Variants in SEMA5A observed in about 807,000 individuals in gnomAD.
SEMA5A encodes the protein semaphorin 5A, also known as semaphorin-5A.
In SEMA5A, 55 loss-of-function variants were observed where a neutral mutation model predicts 135.5. The ratio of observed to expected loss-of-function variants is 0.41; its 90% CI spans 0.33 to 0.51. The LOEUF (loss-of-function observed/expected upper bound fraction) is 0.51, where lower values mean the gene tolerates loss of function less well. Ranked by LOEUF, SEMA5A falls within the 20% of genes least tolerant of loss-of-function variation. The probability of loss-of-function intolerance (pLI) is 0.37; values close to 1 mark genes in which losing one functional copy is unlikely to be tolerated. For missense variants in SEMA5A, 1,290 were observed against 1,419.9 expected, an observed-to-expected ratio of 0.91 and a Z score of 1.47; for synonymous variants, 580 against 546.5, an observed-to-expected ratio of 1.06 and a Z score of -0.85.
chr5:9,190,147 G>C (rs1745018815), intron 11 of SEMA5A, 120 bp downstream of exon 11: 1 of 1,019,508 alleles, frequency 9.8e-7, no homozygotes, highest in Non-Finnish European at 1.4e-6. Flanking sequence ...GGTTTTGCTG[G>C]TTGCAAAAAG....
At chr5:9,152,604 A>T (rs901091076) in intron 12 of SEMA5A, among the ~76,000 whole-genome samples, 2 of 152,224 alleles carry the variant, frequency 1.3e-5, no homozygotes, top group African/African-American at 4.8e-5. Context: ...AATCATCTTG[A>T]CAGGCTTATT....
In SEMA5A at chr5:9,044,439, G is replaced by T. The variant is rs139191700; in HGVS notation, c.3039C>A (p.Pro1013=). ...ATVIHPVSPA[P]LNTSITNHIN... is the part of the protein sequence containing the mutation. ...TGTGGTTGGTTATGCTGGTATTAAG[G>T]GGGGCAGGTGAGACGGGGTGGATGA... is the stretch of plus-strand genomic sequence containing the variant. The change falls in exon 22 of 23, where the codon CCC becomes CCA. Residue 1013 remains proline (P), a synonymous_variant. Transcript: ENST00000382496. The T allele has an allele frequency of 1.2e-6, 2 of 1,613,850 alleles. No homozygotes were observed. Among genetic ancestry groups the T allele is most frequent in the South Asian group, 1.1e-5 (1 of 91,038 alleles).
chr5:9,202,785 A>G (rs1433962837), intron 8 of SEMA5A, among the ~76,000 whole-genome samples: 2 of 152,206 alleles, frequency 1.3e-5, no homozygotes, highest in African/African-American at 2.4e-5. Flanking sequence ...AATAAAGACT[A>G]AAACTATAAG....
chr5:9,384,328 A>G (rs567758191), intron 2 of SEMA5A, among the ~76,000 whole-genome samples: 2 of 152,196 alleles, frequency 1.3e-5, no homozygotes, highest in Admixed American at 1.3e-4. Flanking sequence ...ACACATTCAT[A>G]CCAGGGCTTT....
intron 1 of SEMA5A, among the ~76,000 whole-genome samples, chr5:9,478,263 G>A (rs1478595533): frequency 6.6e-6 from 1 of 152,206 alleles, no homozygotes; most frequent in Non-Finnish European, 1.5e-5. Flanking sequence ...AGCCCTCATG[G>A]AGAACCTCTA....
intron 2 of SEMA5A, among the ~76,000 whole-genome samples, chr5:9,419,691 A>G (rs1757398758): frequency 6.6e-6 from 1 of 152,190 alleles, no homozygotes; most frequent in Non-Finnish European, 1.5e-5. Context: ...TGCACACACA[A>G]GTACATGGCA....
At chr5:9,082,752 C>A (rs1033933907) in intron 16 of SEMA5A, among the ~76,000 whole-genome samples, 3 of 152,134 alleles carry the variant, frequency 2.0e-5, no homozygotes, top group Non-Finnish European at 4.4e-5. Flanking sequence ...ATGCAGACCA[C>A]AAAAGCATCA....
chr5:9,438,691 C>T (rs2126674385), intron 1 of SEMA5A, among the ~76,000 whole-genome samples: 1 of 152,232 alleles, frequency 6.6e-6, no homozygotes, highest in East Asian at 1.9e-4. Flanking sequence ...TCTACACTTC[C>T]CAGGTGGCAG....
chr5:9,500,233 A>G (rs1735519375), intron 1 of SEMA5A, among the ~76,000 whole-genome samples: 1 of 152,176 alleles, frequency 6.6e-6, no homozygotes, highest in Non-Finnish European at 1.5e-5. Context: ...ATGTTATTAT[A>G]ATGCATTATT....
At chr5:9,145,783 C>G (rs541511720) in intron 12 of SEMA5A, among the ~76,000 whole-genome samples, 1 of 148,908 alleles carries the variant, frequency 6.7e-6, no homozygotes, top group Non-Finnish European at 1.5e-5. Context: ...AGATTACAGG[C>G]GCCTGCCACC....
At chr5:9,371,262 G>T (rs1230530024) in intron 3 of SEMA5A, among the ~76,000 whole-genome samples, 1 of 152,074 alleles carries the variant, frequency 6.6e-6, no homozygotes, top group Non-Finnish European at 1.5e-5. Context: ...TAACATGAAA[G>T]TTATTAATAA....
chr5:9,215,384 C>G (rs1237362151), intron 8 of SEMA5A, among the ~76,000 whole-genome samples: 1 of 143,600 alleles, frequency 7.0e-6, no homozygotes, highest in Non-Finnish European at 1.5e-5. Flanking sequence ...AAGTCCCAAC[C>G]CCCAATTTTC....
chr5:9,320,873 C>T (rs1027463087), intron 4 of SEMA5A, among the ~76,000 whole-genome samples: 2 of 150,844 alleles, frequency 1.3e-5, no homozygotes. Flanking sequence ...AACCAGCACA[C>T]CTCCTCTAAG....
chr5:9,504,177 T>C (rs1320435702), intron 1 of SEMA5A, among the ~76,000 whole-genome samples: 1 of 125,446 alleles, frequency 8.0e-6, no homozygotes, highest in East Asian at 2.3e-4. Flanking sequence ...GTCACGCCAC[T>C]CCACTCCAGC....
chr5:9,156,971 A>G (rs1742989104), intron 11 of SEMA5A, among the ~76,000 whole-genome samples: 1 of 152,220 alleles, frequency 6.6e-6, no homozygotes, highest in Non-Finnish European at 1.5e-5. Flanking sequence ...TTTACTGCAT[A>G]TTTCTGCATA....
intron 5 of SEMA5A, among the ~76,000 whole-genome samples, chr5:9,240,082 T>TA (rs966235484): frequency 1.4e-4 from 21 of 152,156 alleles, no homozygotes; most frequent in African/African-American, 4.1e-4. Flanking sequence ...GTGAGAGTTT[T>TA]AAAAAATATT....
At chr5:9,346,799 A>G (rs805148) in intron 3 of SEMA5A, among the ~76,000 whole-genome samples, 149,099 of 152,248 alleles carry the variant, frequency 0.98, 73,073 homozygotes, top group East Asian at 1. Flanking sequence ...CATCCCTATC[A>G]CAAGTCCTGG....
intron 1 of SEMA5A, among the ~76,000 whole-genome samples, chr5:9,524,267 T>C (rs976125622): frequency 1.3e-5 from 2 of 152,196 alleles, no homozygotes; most frequent in Admixed American, 6.5e-5. Context: ...ACTAAACATC[T>C]TTTCTTCATG....
At chr5:9,469,804 G>T (rs1759409314) in intron 1 of SEMA5A, among the ~76,000 whole-genome samples, 1 of 152,210 alleles carries the variant, frequency 6.6e-6, no homozygotes, top group African/African-American at 2.4e-5. Flanking sequence ...CAGCAGGCTT[G>T]CATTAAAAGC....
Sources: allele counts gnomAD v4.1 joint callset (sites outside exome capture counted in the v4.1 genomes callset), GRCh38; gene constraint gnomAD v4.1.1; transcripts MANE v1.5; gene names NCBI Gene and HGNC (gene_info 2026-07-23, HGNC 2026-07-21).